FECH: variants seen among roughly 807,000 people sequenced by gnomAD.
FECH encodes ferrochelatase.
Under a neutral mutation model 56.9 loss-of-function variants are expected in FECH, and 40 were observed. That is an observed-to-expected ratio of 0.70 (90% CI 0.55 to 0.92). FECH has a LOEUF of 0.92. Among genes scored for constraint, FECH ranks in the 40% least tolerant of loss-of-function variants. FECH has a pLI of 0.00. For missense variants in FECH, 431 were observed against 529.1 expected (o/e 0.81, Z 1.82); for synonymous variants, 175 against 198.6 (o/e 0.88, Z 1.00).
chr18:57,546,322 G>A lies in FECH; in HGVS notation c.*4390C>T, dbSNP rs1568138656. 1.3e-5 allele frequency among the ~76,000 whole-genome samples: 2 copies of A among 152,126 alleles called. No homozygotes were observed. Among genetic ancestry groups the A allele is most frequent in the Admixed American group, 6.5e-5 (1 of 15,282 alleles). ...CTTTAAATTCTGCCTTCCCGCTGTC[G>A]TTGGGCAAGGTGGTCCTTTGCCGCA... On this transcript the variant is annotated 3_prime_UTR_variant, in exon 11 of 11. Transcript: ENST00000262093.
intron 6 of FECH, among the ~76,000 whole-genome samples, chr18:57,561,328 A>C (rs2050940608): frequency 6.6e-6 from 1 of 152,246 alleles, no homozygotes. Context: ...TGGTTTCCAA[A>C]AATGTCATAT....
chr18:57,550,897 GT>G lies in FECH; in HGVS notation c.1138-52del, dbSNP rs775763245. 58 of 1,610,340 alleles carry G rather than the reference GT, an allele frequency of 3.6e-5. 3 individuals carry two copies. The South Asian group carries it at 5.2e-4, about 14-fold the overall frequency. On this transcript the variant is annotated intron_variant, in intron 10 of 10. Coordinates refer to ENST00000262093, the MANE Select transcript of FECH (RefSeq NM_000140.5). The stretch of plus-strand genomic sequence containing the variant: ...CGCATGAGAAGCACAGGGTCTGCTC[GT>G]CTGCCATGCCCCCTCCTCCAGCTGC...
chr18:57,575,728 G>A (rs1423948593), intron 2 of FECH, among the ~76,000 whole-genome samples: 2 of 152,198 alleles, frequency 1.3e-5, no homozygotes, highest in African/African-American at 4.8e-5. Context: ...CAGGCTTATG[G>A]TGACATCTTA....
chr18:57,585,122 G>A (rs145299507), intron 1 of FECH, among the ~76,000 whole-genome samples: 18 of 151,794 alleles, frequency 1.2e-4, no homozygotes, highest in Admixed American at 3.3e-4. Context: ...GCCCACCCCC[G>A]GAAGCTTCTT....
intron 8 of FECH, 21 bp downstream of exon 8, chr18:57,554,824 G>A (rs768086817): frequency 1.4e-4 from 224 of 1,590,376 alleles, no homozygotes; most frequent in East Asian, 3.8e-4. Flanking sequence ...CTGGCCGCCC[G>A]CCAGTGTGGA....
Position 57,550,524 on chromosome 18 carries a change from T to G in FECH, c.*188A>C. On this transcript the variant is annotated 3_prime_UTR_variant, in exon 11 of 11. Transcript: ENST00000262093. ...AGAGAAAATACAAATGCTTACTGTA[T>G]AGTTATATAAAAATAGAAATCCATC... is the stretch of plus-strand genomic sequence containing the variant. The G allele has an allele frequency of 4.8e-6, 3 of 622,460 alleles. No individual in the cohort carries two copies. The highest frequency in any genetic ancestry group is 5.5e-6 in the Non-Finnish European group (2 of 363,746). The allele number at this position is 622,460 out of a possible 1,614,324, so 38.6% of individuals were successfully genotyped here.
intron 4 of FECH, among the ~76,000 whole-genome samples, chr18:57,569,082 G>A (rs189802474): frequency 4.5e-4 from 69 of 152,266 alleles, no homozygotes; most frequent in South Asian, 4.4e-3. Flanking sequence ...CGCTGCATCC[G>A]GGAAAGAACA....
At chr18:57,574,851 C>T (rs1364097093) in intron 2 of FECH, among the ~76,000 whole-genome samples, 3 of 152,186 alleles carry the variant, frequency 2.0e-5, no homozygotes, top group Non-Finnish European at 4.4e-5. Context: ...AACTCACATA[C>T]CACAAAATTC....
chr18:57,558,217 G>C (rs543012786), intron 7 of FECH, among the ~76,000 whole-genome samples: 1 of 152,216 alleles, frequency 6.6e-6, no homozygotes, highest in East Asian at 1.9e-4. Context: ...TAGAATGCTA[G>C]TTCTGAGCAG....
chr18:57,560,632 CAGAG>C (rs2122275986), intron 6 of FECH, among the ~76,000 whole-genome samples: 1 of 152,284 alleles, frequency 6.6e-6, no homozygotes, highest in Admixed American at 6.5e-5. Context: ...GCCTGGGCAA[CAGAG>C]TGAAACCCTG....
intron 2 of FECH, among the ~76,000 whole-genome samples, chr18:57,577,739 C>T (rs1253358075): frequency 6.6e-6 from 1 of 152,142 alleles, no homozygotes; most frequent in African/African-American, 2.4e-5. Flanking sequence ...TAAATACATA[C>T]AGAGTGAATA....
Position 57,549,986 on chromosome 18 carries a change from C to G in FECH, c.*726G>C, listed in dbSNP as rs969675062. 6.6e-6 allele frequency: 1 copy of G among 152,210 alleles called. No homozygotes were observed. The highest frequency in any genetic ancestry group is 2.4e-5 in the African/African-American group (1 of 41,436). 9.4% of individuals were successfully genotyped at this position (152,210 alleles called of 1,614,324 possible). On this transcript the variant is annotated 3_prime_UTR_variant, in exon 11 of 11. Transcript: ENST00000262093. ...ACCAGAAGCAGTGGGAGCCCCTTCC[C>G]TGTGGCACCACGGACTCCCACCAAG... is the stretch of plus-strand genomic sequence containing the variant.
chr18:57,550,971 C>A (rs1184452886), intron 10 of FECH, 125 bp from the exon 11 acceptor site: 1 of 1,150,364 alleles, frequency 8.7e-7, no homozygotes, highest in Non-Finnish European at 1.3e-6. Context: ...GAGTGGTGAG[C>A]CCTTTGAACC....
At chr18:57,571,642 G>T in intron 3 of FECH, 102 bp from the exon 4 acceptor site, 2 of 1,554,984 alleles carry the variant, frequency 1.3e-6, no homozygotes, top group Non-Finnish European at 1.8e-6. Context: ...ATTTTAGAGA[G>T]CCTAACAAGA....
intron 4 of FECH, among the ~76,000 whole-genome samples, chr18:57,570,534 G>A (rs926564123): frequency 2.0e-5 from 3 of 152,194 alleles, no homozygotes; most frequent in African/African-American, 7.2e-5. Context: ...TAGTGGAGCT[G>A]TTCTCCCTGA....
rs577345976 is a variant in FECH, at chr18:57,574,197, T to C, written c.195-832A>G. Among the ~76,000 whole-genome samples, 12 of 151,984 alleles carry C rather than the reference T, an allele frequency of 7.9e-5. No homozygotes were observed. In the South Asian group the frequency reaches 2.5e-3, roughly 32 times the overall value. The stretch of plus-strand genomic sequence containing the variant: ...TTAGTAGAGATGGTGTTTCGCCATG[T>C]TGGCCAGGCTGGTCTCAAAATCCTG... On this transcript the variant is annotated intron_variant, in intron 2 of 10. Coordinates refer to ENST00000262093, the MANE Select transcript of FECH (RefSeq NM_000140.5).
At position 57,571,661 on chromosome 18, in the gene FECH, T is replaced by C; in HGVS notation, c.315-121A>G. ...TAGAGAGCCTAACAAGATTAAGCCT[T>C]TAAAACAGAAGCTTGAGGTCATTGA... On this transcript the variant is annotated intron_variant, in intron 3 of 10. Transcript: ENST00000262093. 8 of 1,444,940 alleles carry C rather than the reference T, an allele frequency of 5.5e-6. No individual in the cohort carries two copies. The highest frequency in any genetic ancestry group is 7.6e-6 in the Non-Finnish European group (8 of 1,049,518). The allele number at this position is 1,444,940 out of a possible 1,614,324, so 89.5% of individuals were successfully genotyped here.
At chr18:57,577,596 T>C (rs898599276) in intron 2 of FECH, among the ~76,000 whole-genome samples, 11 of 152,362 alleles carry the variant, frequency 7.2e-5, no homozygotes, top group Non-Finnish European at 1.6e-4. Flanking sequence ...TCCCAGAATG[T>C]TGGTCAAGGT....
chr18:57,568,628 G>A (rs568870715), intron 4 of FECH, among the ~76,000 whole-genome samples: 1 of 152,112 alleles, frequency 6.6e-6, no homozygotes, highest in Non-Finnish European at 1.5e-5. Flanking sequence ...TGGCCAGAGT[G>A]AGCCCAAAAC....
Sources: allele counts gnomAD v4.1 joint callset (sites outside exome capture counted in the v4.1 genomes callset), GRCh38; gene constraint gnomAD v4.1.1; transcripts MANE v1.5; gene names NCBI Gene and HGNC (gene_info 2026-07-23, HGNC 2026-07-21).